The following ANTXR1 variants were observed in gnomAD, a reference collection of about 807,000 sequenced individuals.
The protein encoded by ANTXR1 is ANTXR cell adhesion molecule 1, also known as anthrax toxin receptor 1.
A neutral mutation model predicts 78.1 loss-of-function variants in ANTXR1; 19 were observed. That is an observed-to-expected ratio of 0.24 (90% CI 0.17 to 0.36). The LOEUF (loss-of-function observed/expected upper bound fraction) is 0.36. Among genes scored for constraint, ANTXR1 ranks in the 10% least tolerant of loss-of-function variants. ANTXR1 has a pLI of 1.00. For missense variants in ANTXR1, 518 were observed against 718.6 expected (o/e 0.72, Z 3.19); for synonymous variants, 273 against 260.5 (o/e 1.05, Z -0.46).
At chr2:69,081,105 C>G (rs1370057462) in intron 8 of ANTXR1, among the ~76,000 whole-genome samples, 1 of 152,182 alleles carries the variant, frequency 6.6e-6, no homozygotes, top group Non-Finnish European at 1.5e-5. Context: ...GCGCCTCTGC[C>G]AGGCACTTAA....
At chr2:69,070,523 T>C (rs1670534136) in intron 3 of ANTXR1, 124 bp from the exon 4 acceptor site, 1 of 872,620 alleles carries the variant, frequency 1.1e-6, no homozygotes, top group Admixed American at 1.8e-5. Flanking sequence ...TTGATAGGCT[T>C]TTGGGGAATT....
At chr2:69,085,042 C>T (rs1055725176) in intron 8 of ANTXR1, among the ~76,000 whole-genome samples, 13 of 151,686 alleles carry the variant, frequency 8.6e-5, no homozygotes, top group African/African-American at 2.4e-4. Flanking sequence ...TTAGTAGAGA[C>T]GGGGCAACTT....
intron 13 of ANTXR1, among the ~76,000 whole-genome samples, chr2:69,158,837 C>T (rs1673599580): frequency 6.6e-6 from 1 of 152,166 alleles, no homozygotes; most frequent in South Asian, 2.1e-4. Context: ...ATGACATGTT[C>T]AGCTTACAAT....
rs1445266061 is a variant in ANTXR1 at position 69,248,222 on chromosome 2, T to TA, written c.*2738dup. ...TGTCCTTTTGAACTGTTTTTTTTTT[T>TA]ATTAAAGCCAAATTTGTGTTGTATA... On this transcript the variant is annotated 3_prime_UTR_variant, in exon 18 of 18. Transcript: ENST00000303714. The TA allele has an allele frequency of 6.0e-6, 1 of 165,602 alleles. No homozygotes were observed. Among genetic ancestry groups the TA allele is most frequent in the Admixed American group, 6.6e-5 (1 of 15,194 alleles). The allele number at this position is 165,602 out of a possible 1,614,324, so 10.3% of individuals were successfully genotyped here.
At chr2:69,075,090 T>C (rs1002834202) in intron 6 of ANTXR1, among the ~76,000 whole-genome samples, 4 of 152,188 alleles carry the variant, frequency 2.6e-5, no homozygotes, top group African/African-American at 9.7e-5. Context: ...ATGCTGACGT[T>C]TATGAGTATC....
intron 4 of ANTXR1, 57 bp from the exon 5 acceptor site, chr2:69,071,696 GT>G: frequency 1.3e-6 from 2 of 1,571,868 alleles, no homozygotes; most frequent in Non-Finnish European, 8.8e-7. Flanking sequence ...ATCCACTATG[GT>G]TTTTGGAGTG....
At chr2:69,021,234 G>A (rs1383040703) in intron 1 of ANTXR1, among the ~76,000 whole-genome samples, 1 of 152,182 alleles carries the variant, frequency 6.6e-6, no homozygotes, top group Non-Finnish European at 1.5e-5. Context: ...GAGGTTTAGA[G>A]AGGTTACCCA....
intron 16 of ANTXR1, among the ~76,000 whole-genome samples, chr2:69,185,225 G>C (rs1674388029): frequency 6.6e-6 from 1 of 152,198 alleles, no homozygotes; most frequent in Non-Finnish European, 1.5e-5. Context: ...CCAGCCATCT[G>C]GGTTTTAACA....
intron 9 of ANTXR1, among the ~76,000 whole-genome samples, chr2:69,096,260 G>T (rs1426962830): frequency 3.1e-4 from 2 of 6,414 alleles, no homozygotes; most frequent in Non-Finnish European, 4.4e-4. Flanking sequence ...TCCGTCAAAA[G>T]GAAGGAAGGA....
At chr2:69,025,009 T>C (rs1671300635) in intron 1 of ANTXR1, among the ~76,000 whole-genome samples, 3 of 152,180 alleles carry the variant, frequency 2.0e-5, no homozygotes, top group Non-Finnish European at 4.4e-5. Flanking sequence ...CAGGTCACTA[T>C]GCATTTCCAA....
At chr2:69,077,367 A>G (rs1670764740) in intron 7 of ANTXR1, 41 bp from the exon 8 acceptor site, 1 of 1,611,506 alleles carries the variant, frequency 6.2e-7, no homozygotes, top group Non-Finnish European at 8.5e-7. Context: ...ATCCAAGCCT[A>G]ACAGTCTCCC....
chr2:69,097,887 A>C (rs1365574101), intron 9 of ANTXR1, among the ~76,000 whole-genome samples: 1 of 152,244 alleles, frequency 6.6e-6, no homozygotes, highest in Admixed American at 6.5e-5. Context: ...AGAATGCACT[A>C]ATTAATACTC....
intron 17 of ANTXR1, among the ~76,000 whole-genome samples, chr2:69,230,083 G>C (rs559991719): frequency 6.6e-6 from 1 of 151,712 alleles, no homozygotes; most frequent in East Asian, 2.0e-4. Context: ...CCTTTGAAAG[G>C]TTTGAATTCT....
At chr2:69,158,335 T>G (rs1400684021) in intron 13 of ANTXR1, among the ~76,000 whole-genome samples, 1 of 152,220 alleles carries the variant, frequency 6.6e-6, no homozygotes, top group African/African-American at 2.4e-5. Context: ...TTCTTTATGT[T>G]CTCTATACAA....
At chr2:69,045,604 G>A (rs541726759) in intron 3 of ANTXR1, among the ~76,000 whole-genome samples, 1 of 152,030 alleles carries the variant, frequency 6.6e-6, no homozygotes, top group South Asian at 2.1e-4. Flanking sequence ...GCCAGTACAG[G>A]GGGGGCAGGA....
chr2:69,097,505 C>G (rs1383616914), intron 9 of ANTXR1, among the ~76,000 whole-genome samples: 1 of 152,220 alleles, frequency 6.6e-6, no homozygotes, highest in African/African-American at 2.4e-5. Context: ...GTATTCCTCT[C>G]ACTTTTCATT....
At chr2:69,062,808 T>A (rs1052494726) in intron 3 of ANTXR1, among the ~76,000 whole-genome samples, 1 of 152,084 alleles carries the variant, frequency 6.6e-6, no homozygotes, top group African/African-American at 2.4e-5. Context: ...GCAACTATTA[T>A]AAATAGGTTA....
chr2:69,172,873 G>A (rs1390719362), intron 14 of ANTXR1, among the ~76,000 whole-genome samples: 1 of 152,144 alleles, frequency 6.6e-6, no homozygotes, highest in Non-Finnish European at 1.5e-5. Context: ...ACAACTAAGA[G>A]GGACATTTCC....
At chr2:69,178,284 T>A (rs1674185235) in intron 14 of ANTXR1, among the ~76,000 whole-genome samples, 1 of 152,216 alleles carries the variant, frequency 6.6e-6, no homozygotes, top group Non-Finnish European at 1.5e-5. Flanking sequence ...AACAGACCCA[T>A]GCTAACTGCA....
Sources: allele counts gnomAD v4.1 joint callset (sites outside exome capture counted in the v4.1 genomes callset), GRCh38; gene constraint gnomAD v4.1.1; transcripts MANE v1.5; gene names NCBI Gene and HGNC (gene_info 2026-07-23, HGNC 2026-07-21).